The following LMNB2 variants were observed in gnomAD, a reference collection of about 807,000 sequenced individuals.
LMNB2 encodes lamin B2.
A neutral mutation model predicts 69.3 loss-of-function variants in LMNB2; 17 were observed. That is an observed-to-expected ratio of 0.25 (90% CI 0.17 to 0.37). LMNB2 has a LOEUF of 0.37. Ranked by LOEUF, LMNB2 falls within the 10% of genes least tolerant of loss-of-function variation. LMNB2 has a pLI of 1.00. For synonymous variants in LMNB2, 397 were observed against 389.3 expected, an observed-to-expected ratio of 1.02 and a Z score of -0.23; for missense variants, 789 against 883.6, an observed-to-expected ratio of 0.89 and a Z score of 1.36.
intron 1 of LMNB2, among the ~76,000 whole-genome samples, chr19:2,445,431 G>A (rs1451595169): frequency 1.3e-5 from 2 of 152,054 alleles, no homozygotes; most frequent in African/African-American, 4.8e-5. Flanking sequence ...CCCCCCGACA[G>A]GCCAGCTGCC....
intron 1 of LMNB2, 73 bp downstream of exon 1, chr19:2,456,597 G>A: frequency 1.5e-6 from 2 of 1,314,938 alleles, no homozygotes; most frequent in Non-Finnish European, 1.9e-6. Context: ...CAGGGTCCCC[G>A]CGATCGCGCG....
intron 1 of LMNB2, among the ~76,000 whole-genome samples, chr19:2,455,630 C>T (rs1328785228): frequency 2.0e-5 from 3 of 152,132 alleles, no homozygotes; most frequent in African/African-American, 7.2e-5. Context: ...GGAAGATCTC[C>T]TGGGACCCCC....
At position 2,438,429 on chromosome 19, in the gene LMNB2, G is replaced by C; in HGVS notation, c.504C>G (p.Ser168Arg). ...RSEVELAAAL[S>R]DKRGLESDVA... ...CGTCACTCTCCAGGCCGCGCTTGTC[G>C]CTGAGGGCAGCTGCCAGCTCCACCT... The change falls in exon 3 of 12, where the codon AGC (serine) becomes AGG (arginine). Residue 168 changes from serine (S) to arginine (R), a missense_variant. This residue lies in a region of LMNB2 where 145 missense variants were observed against 228.9 expected (regional missense o/e 0.63). Transcript: ENST00000325327. 6.2e-7 allele frequency: 1 copy of C among 1,612,532 alleles called. No individual in the cohort carries two copies. The highest frequency in any genetic ancestry group is 8.5e-7 in the Non-Finnish European group (1 of 1,179,858).
chr19:2,448,950 C>T (rs1185171466), intron 1 of LMNB2, among the ~76,000 whole-genome samples: 8 of 152,178 alleles, frequency 5.3e-5, no homozygotes, highest in East Asian at 1.9e-4. Flanking sequence ...AGAGCAATGC[C>T]GCAATCACAG....
At position 2,453,819 on chromosome 19, in the gene LMNB2, C is replaced by A. The variant is rs897913779; in HGVS notation, c.264+2851G>T. Among the ~76,000 whole-genome samples, 1 of 152,200 alleles carries A rather than the reference C, an allele frequency of 6.6e-6. No individual in the cohort carries two copies. The highest frequency in any genetic ancestry group is 1.5e-5 in the Non-Finnish European group (1 of 68,028). ...GGCCCTGCACCCTCAAAGCTCCCTG[C>A]AGCTGTTCGTCCCATTGGCAGGTGG... On this transcript the variant is annotated intron_variant, in intron 1 of 11. Transcript: ENST00000325327. The surrounding 1 kb of genome is among the most constrained non-coding windows in gnomAD (Gnocchi z 4.4).
Position 2,447,896 on chromosome 19 carries a change from C to A in LMNB2, c.265-3356G>T, listed in dbSNP as rs1220387004. ...GTCTCAGGCTGCCCCAGCACCGCAG[C>A]TCCAAGTCCCGTCAGCCTACAGTGG... On this transcript the variant is annotated intron_variant, in intron 1 of 11. Transcript: ENST00000325327. This position sits in a 1 kb window ranked among gnomAD's most constrained non-coding sequence, Gnocchi z 4.4. Among the ~76,000 whole-genome samples, 1 of 152,202 alleles carries A rather than the reference C, an allele frequency of 6.6e-6. No homozygotes were observed. Among genetic ancestry groups the A allele is most frequent in the Non-Finnish European group, 1.5e-5 (1 of 68,028 alleles).
In LMNB2 at chr19:2,429,231, G is replaced by A. The variant is rs1169278654; in HGVS notation, c.*1680C>T. 1 of 152,236 alleles carries A rather than the reference G, an allele frequency of 6.6e-6. No individual in the cohort carries two copies. Among genetic ancestry groups the A allele is most frequent in the African/African-American group, 2.4e-5 (1 of 41,450 alleles). 9.4% of individuals were successfully genotyped at this position (152,236 alleles called of 1,614,324 possible). A position where few individuals can be genotyped will look rare whatever the true frequency, so the allele number is the denominator to read the frequency against. Reference sequence around the variant, plus strand: ...GGGTCCGGGTGATTCCTGCTATGAAGGTGGGAAAGAGGACACAGTCTGTCG... The same window carrying A: ...GGGTCCGGGTGATTCCTGCTATGAAAGTGGGAAAGAGGACACAGTCTGTCG... On this transcript the variant is annotated 3_prime_UTR_variant, in exon 12 of 12. Transcript: ENST00000325327.
intron 2 of LMNB2, among the ~76,000 whole-genome samples, chr19:2,440,710 A>G (rs1971889958): frequency 6.7e-6 from 1 of 149,598 alleles, no homozygotes; most frequent in African/African-American, 2.5e-5. Flanking sequence ...CTATCCATTC[A>G]TCCATCTACT....
intron 1 of LMNB2, among the ~76,000 whole-genome samples, chr19:2,452,705 G>A (rs142293379): frequency 0.02 from 3,031 of 152,208 alleles, 45 homozygotes; most frequent in Non-Finnish European, 0.03. Context: ...CAGCCTGGGC[G>A]ACAGAGTGAG....
At chr19:2,440,110 CTGTCTAAGTA>C (rs1433906527) in intron 2 of LMNB2, among the ~76,000 whole-genome samples, 2 of 146,952 alleles carry the variant, frequency 1.4e-5, no homozygotes, top group South Asian at 4.2e-4. Context: ...GACCGTATGT[CTGTCTAAGTA>C]TATCTCCATC....
At chr19:2,437,472 G>A (rs1257205620) in intron 4 of LMNB2, among the ~76,000 whole-genome samples, 3 of 152,240 alleles carry the variant, frequency 2.0e-5, no homozygotes, top group Admixed American at 6.5e-5. Flanking sequence ...TTTTAGAAAG[G>A]CAAGAAATCA....
intron 1 of LMNB2, among the ~76,000 whole-genome samples, chr19:2,454,642 C>T (rs1344278331): frequency 2.0e-5 from 3 of 152,178 alleles, no homozygotes; most frequent in Non-Finnish European, 4.4e-5. Flanking sequence ...CTCTGATCTC[C>T]AGATGGGCGA....
Position 2,431,816 on chromosome 19 carries a change from G to C in LMNB2, c.1677C>G (p.Ser559Arg), listed in dbSNP as rs369838129. Reference sequence around the variant, plus strand: ...CCGCGTTAACCAGGACGGTGCGGAAGCTCTCGCCCGTGCCCCAGCTGCTCT... The same window carrying C: ...CCGCGTTAACCAGGACGGTGCGGAACCTCTCGCCCGTGCCCCAGCTGCTCT... ...KGQSSWGTGE[S>R]FRTVLVNADG... is the part of the protein sequence containing the mutation. The change falls in exon 10 of 12, where the codon AGC becomes AGG. Residue 559 changes from serine (S) to arginine (R), a missense_variant. Ser to Arg is a moderately radical substitution (Grantham distance 110). Around this residue, in one of 3 missense-constraint regions of LMNB2, gnomAD observed 609 missense variants for 630.9 expected, o/e 0.97. Coordinates refer to ENST00000325327, the MANE Select transcript of LMNB2 (RefSeq NM_032737.4). The C allele has an allele frequency of 2.0e-5, 33 of 1,613,614 alleles. No individual in the cohort carries two copies. The highest frequency in any genetic ancestry group is 2.7e-5 in the Non-Finnish European group (32 of 1,179,928).
Position 2,431,941 on chromosome 19 carries a change from C to G in LMNB2, c.1591-39G>C, listed in dbSNP as rs76678887. On this transcript the variant is annotated intron_variant, in intron 9 of 11. Coordinates refer to ENST00000325327, the MANE Select transcript of LMNB2 (RefSeq NM_032737.4). Reference sequence around the variant, plus strand: ...AACAATGGCCCCATCAGGGTCACCTCTGGTTCCAGGGACGTGGGCCAGCCA... The same window carrying G: ...AACAATGGCCCCATCAGGGTCACCTGTGGTTCCAGGGACGTGGGCCAGCCA... 5.1e-3 allele frequency: 8,088 copies of G among 1,589,628 alleles called. 380 individuals are homozygous for G. The African/African-American group carries it at 0.096, about 19-fold the overall frequency.
rs776267567 is a variant in LMNB2, at chr19:2,431,863, A to AG, written c.1629dup (p.Ser544LeufsTer23). On this transcript the variant is annotated frameshift_variant, in exon 10 of 12. Coordinates refer to ENST00000325327, the MANE Select transcript of LMNB2 (RefSeq NM_032737.4). LOFTEE classifies it high-confidence loss of function. ...CTCTGGCCCTTCCACACCAGCGTCG[A>AG]GGGGGGGCTGTGGGCCACCCCCGCA... The AG allele has an allele frequency of 5.6e-6, 9 of 1,613,016 alleles. No individual in the cohort carries two copies. The highest frequency in any genetic ancestry group is 2.5e-6 in the Non-Finnish European group (3 of 1,179,870).
intron 2 of LMNB2, among the ~76,000 whole-genome samples, chr19:2,442,880 A>G (rs1971914020): frequency 6.6e-6 from 1 of 152,220 alleles, no homozygotes; most frequent in South Asian, 2.1e-4. Flanking sequence ...GGTGAAATTC[A>G]CATCCTGTAC....
In LMNB2 at chr19:2,429,486, G is replaced by A. The variant is rs960915888; in HGVS notation, c.*1425C>T. On this transcript the variant is annotated 3_prime_UTR_variant, in exon 12 of 12. Coordinates refer to ENST00000325327, the MANE Select transcript of LMNB2 (RefSeq NM_032737.4). ...CTTTGTCGGCCGCTGGCTCCTTCCC[G>A]GCCTGGGGCTGGGGCCCCCCATTCC... 2.0e-5 allele frequency: 3 copies of A among 152,262 alleles called. No individual in the cohort carries two copies. Among genetic ancestry groups the A allele is most frequent in the East Asian group, 1.9e-4 (1 of 5,196 alleles). 9.4% of individuals were successfully genotyped at this position (152,262 alleles called of 1,614,324 possible).
Position 2,432,401 on chromosome 19 carries a change from T to A in LMNB2, c.1590+15A>T. On this transcript the variant is annotated intron_variant, in intron 9 of 11. Transcript: ENST00000325327. The stretch of plus-strand genomic sequence containing the variant: ...CCATCCGTGGCCACCCTCGCCCTCC[T>A]GCCCCACCACCTACCGTGACCATCT... 1 of 1,368,060 alleles carries A rather than the reference T, an allele frequency of 7.3e-7. No homozygotes were observed. Among genetic ancestry groups the A allele is most frequent in the Non-Finnish European group, 9.7e-7 (1 of 1,031,820 alleles). The allele number at this position is 1,368,060 out of a possible 1,614,324, so 84.7% of individuals were successfully genotyped here.
At chr19:2,454,032 C>A (rs576806667) in intron 1 of LMNB2, among the ~76,000 whole-genome samples, 66 of 152,264 alleles carry the variant, frequency 4.3e-4, no homozygotes, top group Middle Eastern at 6.8e-3. Flanking sequence ...GCGGCTCACA[C>A]CTGTAATCCC....
Sources: allele counts gnomAD v4.1 joint callset (sites outside exome capture counted in the v4.1 genomes callset), GRCh38; gene constraint gnomAD v4.1.1; regional missense constraint gnomAD v4.1.1; non-coding constraint Gnocchi (gnomAD v3.1); transcripts MANE v1.5; gene names NCBI Gene and HGNC (gene_info 2026-07-23, HGNC 2026-07-21).